Variants in CCDC73 observed in about 807,000 individuals in gnomAD.
The protein encoded by CCDC73 is coiled-coil domain-containing protein 73.
A neutral mutation model predicts 116.5 loss-of-function variants in CCDC73; 95 were observed. The observed-to-expected ratio is 0.82, with a 90% CI of 0.69 to 0.97. The LOEUF is 0.97. Ranked by LOEUF, CCDC73 falls within the 50% of genes least tolerant of loss-of-function variation. CCDC73 has a pLI of 0.00. For synonymous variants in CCDC73, 398 were observed against 401.3 expected (o/e 0.99, Z 0.10); for missense variants, 1,066 against 1,206.8 (o/e 0.88, Z 1.73).
chr11:32,651,500 C>T (rs1205742891), intron 12 of CCDC73, among the ~76,000 whole-genome samples: 2 of 152,068 alleles, frequency 1.3e-5, no homozygotes, highest in South Asian at 2.1e-4. Flanking sequence ...AGGACGGGAA[C>T]GAGGAGTAGG....
At chr11:32,656,064 TTTTTCTTTTC>T (rs551917507) in intron 9 of CCDC73, among the ~76,000 whole-genome samples, 1 of 148,196 alleles carries the variant, frequency 6.7e-6, no homozygotes, top group Non-Finnish European at 1.5e-5. Flanking sequence ...CAGTGGGCAG[TTTTTCTTTTC>T]TTTTCTTTTC....
At chr11:32,745,273 T>G (rs1480103169) in intron 2 of CCDC73, among the ~76,000 whole-genome samples, 1 of 152,144 alleles carries the variant, frequency 6.6e-6, no homozygotes, top group African/African-American at 2.4e-5. Flanking sequence ...TGAGAGACAG[T>G]TTGTTGTGAT....
intron 14 of CCDC73, among the ~76,000 whole-genome samples, chr11:32,634,327 A>G (rs1426525458): frequency 6.6e-6 from 1 of 152,210 alleles, no homozygotes; most frequent in Non-Finnish European, 1.5e-5. Flanking sequence ...GATCAACTCA[A>G]GTTTATCCCA....
chr11:32,767,211 G>T (rs1850450523), intron 1 of CCDC73, among the ~76,000 whole-genome samples: 1 of 152,126 alleles, frequency 6.6e-6, no homozygotes, highest in African/African-American at 2.4e-5. Context: ...ACAAAAACAA[G>T]AAATGGGAAA....
chr11:32,602,842 T>C lies in CCDC73; in HGVS notation c.3209A>G (p.Glu1070Gly). The change falls in exon 18 of 18, where the codon GAG (glutamate) becomes GGG (glycine). Residue 1070 changes from glutamate (E) to glycine (G), a missense_variant. Transcript: ENST00000335185. ...TAATCTGTTGTTTTTTTCCAACGTC[T>C]CTTCTGCTTTTCTTTTCTTTGGCTG... is the stretch of plus-strand genomic sequence containing the variant. Reference protein sequence around the residue: ...DNQPKKRKAEETLEKNNRLK With the variant: ...DNQPKKRKAEGTLEKNNRLK The C allele has an allele frequency of 6.2e-7, 1 of 1,606,926 alleles. No homozygotes were observed. Among genetic ancestry groups the C allele is most frequent in the Non-Finnish European group, 8.5e-7 (1 of 1,177,126 alleles).
At chr11:32,736,627 G>C (rs930672346) in intron 2 of CCDC73, among the ~76,000 whole-genome samples, 3 of 151,864 alleles carry the variant, frequency 2.0e-5, no homozygotes, top group African/African-American at 4.8e-5. Context: ...TCTAGAACTA[G>C]AAATACCATT....
In CCDC73 at chr11:32,613,533, A is replaced by C. The variant is rs183956425; in HGVS notation, c.2785T>G (p.Ser929Ala). 1.2e-3 allele frequency: 1,983 copies of C among 1,614,180 alleles called. 1 individual carries two copies. Among genetic ancestry groups the C allele is most frequent in the Non-Finnish European group, 1.5e-3 (1,754 of 1,180,026 alleles). Residue 929 changes from serine to alanine, a missense_variant, in exon 16 of 18, where the codon TCT becomes GCT. Ser to Ala is a moderately conservative substitution (Grantham distance 99, BLOSUM62 1). Transcript: ENST00000335185. Reference sequence around the variant, plus strand: ...AGTGGTCTCTCCTTCAGCAACAAAGAAATGCAAGGGGTCGAACTGCTCGCT... The same window carrying C: ...AGTGGTCTCTCCTTCAGCAACAAAGCAATGCAAGGGGTCGAACTGCTCGCT... ...QTASSSTPCI[S>A]LLLKERPLDP...
chr11:32,722,442 T>C (rs1207629878), intron 2 of CCDC73, among the ~76,000 whole-genome samples: 4 of 152,156 alleles, frequency 2.6e-5, no homozygotes, highest in African/African-American at 7.2e-5. Context: ...AGTGAGGACT[T>C]ATCTGACTCA....
the CCDC73 span, among the ~76,000 whole-genome samples, chr11:32,827,078 C>T: frequency 6.6e-6 from 1 of 152,066 alleles, no homozygotes; most frequent in African/African-American, 2.4e-5. Context: ...GTTGGCCAGG[C>T]TGGTCTCAAA....
At chr11:32,770,309 T>C (rs1013271723) in intron 1 of CCDC73, among the ~76,000 whole-genome samples, 13 of 152,128 alleles carry the variant, frequency 8.5e-5, no homozygotes, top group Non-Finnish European at 1.8e-4. Context: ...GCTCATACAG[T>C]GTCAATTCTG....
At chr11:32,654,420 C>T (rs1451779185) in intron 10 of CCDC73, among the ~76,000 whole-genome samples, 2 of 152,110 alleles carry the variant, frequency 1.3e-5, no homozygotes, top group African/African-American at 2.4e-5. Flanking sequence ...GTGATCCACC[C>T]ACCTCAGCCT....
At chr11:32,624,352 AT>A (rs991981599) in intron 14 of CCDC73, among the ~76,000 whole-genome samples, 11 of 152,008 alleles carry the variant, frequency 7.2e-5, no homozygotes, top group Non-Finnish European at 1.5e-4. Flanking sequence ...AAATAAAAAA[AT>A]AAATAAATAA....
At position 32,760,121 on chromosome 11, in the gene CCDC73, C is replaced by T. The variant is rs372838985; in HGVS notation, c.123G>A (p.Leu41=). ...AAAAGGAGCTTACCCTTCTCATACG[C>T]AATTCTTCTAATGCCTCCAGTAAAC... The part of the protein sequence containing the change: ...KTSLLEALEE[L]RMRREAEIHY... Residue 41 remains leucine, a synonymous_variant, in exon 2 of 18, where the codon TTG becomes TTA. Coordinates refer to ENST00000335185, the MANE Select transcript of CCDC73 (RefSeq NM_001008391.4). The T allele has an allele frequency of 3.7e-5, 60 of 1,600,354 alleles. No individual in the cohort carries two copies. The African/African-American group carries it at 6.9e-4, about 18-fold the overall frequency.
At chr11:32,827,050 G>C in the CCDC73 span, among the ~76,000 whole-genome samples, 2 of 151,936 alleles carry the variant, frequency 1.3e-5, no homozygotes, top group African/African-American at 4.8e-5. Flanking sequence ...ATTTTTAGTA[G>C]AGACGGGGTT....
At chr11:32,793,008 G>C (rs1850690386) in intron 1 of CCDC73, among the ~76,000 whole-genome samples, 1 of 151,126 alleles carries the variant, frequency 6.6e-6, no homozygotes, top group South Asian at 2.1e-4. Context: ...CACCTGTACA[G>C]TTATTACGGG....
the CCDC73 span, among the ~76,000 whole-genome samples, chr11:32,814,280 C>T: frequency 3.9e-5 from 6 of 152,142 alleles, no homozygotes; most frequent in African/African-American, 9.7e-5. Flanking sequence ...TGAACATTGA[C>T]GGGCCCTACT....
intron 6 of CCDC73, among the ~76,000 whole-genome samples, chr11:32,689,847 T>G (rs1333007455): frequency 6.6e-6 from 1 of 151,888 alleles, no homozygotes; most frequent in Non-Finnish European, 1.5e-5. Flanking sequence ...TACAAAAAAT[T>G]AGCCGGGAGT....
At chr11:32,684,937 C>A (rs142787263) in intron 6 of CCDC73, among the ~76,000 whole-genome samples, 2 of 151,856 alleles carry the variant, frequency 1.3e-5, no homozygotes, top group African/African-American at 4.8e-5. Flanking sequence ...ATTGAGACTG[C>A]GCCAGTGCAC....
At chr11:32,698,011 ATTTTTTTTTTTTTTTT>A (rs869153507) in intron 6 of CCDC73, among the ~76,000 whole-genome samples, 1 of 18,864 alleles carries the variant, frequency 5.3e-5, no homozygotes, top group Non-Finnish European at 1.1e-4. Flanking sequence ...CTAACACTGA[ATTTTTTTTTTTTTTTT>A]TTTTTTTTTT....
Sources: allele counts gnomAD v4.1 joint callset (sites outside exome capture counted in the v4.1 genomes callset), GRCh38; gene constraint gnomAD v4.1.1; transcripts MANE v1.5; gene names NCBI Gene and HGNC (gene_info 2026-07-23, HGNC 2026-07-21).